Variants in DRC8 observed in about 807,000 individuals in gnomAD.
DRC8 encodes the protein dynein regulatory complex subunit 8, also known as dynein regulatory complex protein 8.
the DRC8 span, among the ~76,000 whole-genome samples, chr1:244,975,079 T>C: frequency 0.58 from 88,466 of 151,722 alleles, 26,506 homozygotes; most frequent in East Asian, 0.75. Flanking sequence ...TACAGGTGCC[T>C]GCCACCACGC....
At chr1:245,098,162 C>T in the DRC8 span, among the ~76,000 whole-genome samples, 1 of 152,050 alleles carries the variant, frequency 6.6e-6, no homozygotes, top group African/African-American at 2.4e-5. Context: ...AAAAAGACAC[C>T]AAGAATGATC....
At chr1:245,038,295 C>T in the DRC8 span, among the ~76,000 whole-genome samples, 1,856 of 152,276 alleles carry the variant, frequency 0.012, 43 homozygotes, top group African/African-American at 0.043. Context: ...ATGGTGAAAC[C>T]TTGTCTCTAC....
chr1:245,048,552 T>A, the DRC8 span, among the ~76,000 whole-genome samples: 1 of 152,082 alleles, frequency 6.6e-6, no homozygotes, highest in South Asian at 2.1e-4. Flanking sequence ...TTAAAAAATT[T>A]CAAACTTCTA....
chr1:245,015,965 CTTT>C, the DRC8 span, among the ~76,000 whole-genome samples: 3 of 57,190 alleles, frequency 5.2e-5, no homozygotes, highest in South Asian at 8.5e-4. Context: ...GCCTACAGGG[CTTT>C]TTTTTTTTTT....
At chr1:245,114,799 C>T in the DRC8 span, among the ~76,000 whole-genome samples, 51 of 152,284 alleles carry the variant, frequency 3.3e-4, 1 homozygote, top group Middle Eastern at 0.02. Flanking sequence ...GATCTTGGCT[C>T]GGTGCAACCT....
chr1:244,987,267 C>T, the DRC8 span, among the ~76,000 whole-genome samples: 2 of 150,442 alleles, frequency 1.3e-5, no homozygotes, highest in Admixed American at 6.7e-5. Context: ...ATGGCGCGTT[C>T]TCAGCTCACT....
the DRC8 span, among the ~76,000 whole-genome samples, chr1:245,101,278 T>C: frequency 6.6e-6 from 1 of 152,230 alleles, no homozygotes; most frequent in Non-Finnish European, 1.5e-5. Flanking sequence ...GGAACCAACT[T>C]GTTTGTCCTG....
At chr1:245,092,399 A>G in the DRC8 span, among the ~76,000 whole-genome samples, 7 of 152,122 alleles carry the variant, frequency 4.6e-5, no homozygotes, top group Non-Finnish European at 8.8e-5. Context: ...AAATCCTTCC[A>G]TGTAAGAAAG....
chr1:245,046,288 T>G, the DRC8 span, among the ~76,000 whole-genome samples: 2 of 152,220 alleles, frequency 1.3e-5, no homozygotes, highest in Non-Finnish European at 2.9e-5. Flanking sequence ...CTTATTTCAG[T>G]GTTTTTACAT....
the DRC8 span, among the ~76,000 whole-genome samples, chr1:245,100,270 A>C: frequency 1.3e-5 from 2 of 152,142 alleles, no homozygotes; most frequent in African/African-American, 4.8e-5. Context: ...CTGTGGTCCC[A>C]GCTACTCGGG....
chr1:245,087,472 A>C, the DRC8 span: 1 of 1,419,190 alleles, frequency 7.0e-7, no homozygotes, highest in Non-Finnish European at 9.1e-7. Flanking sequence ...ACCTTGTGAC[A>C]TAACTATTTT....
the DRC8 span, chr1:244,970,385 TAGGCATCTCCC>T: frequency 2.0e-6 from 3 of 1,535,564 alleles, no homozygotes; most frequent in Non-Finnish European, 2.6e-6. Flanking sequence ...AGGTTATCGT[TAGGCATCTCCC>T]AGGCGACCGG....
the DRC8 span, among the ~76,000 whole-genome samples, chr1:245,005,356 ATT>A: frequency 7.0e-6 from 1 of 143,722 alleles, no homozygotes. Flanking sequence ...ATTGGTATTA[ATT>A]TTTTTTTTTT....
chr1:245,090,408 G>A, the DRC8 span, among the ~76,000 whole-genome samples: 7 of 152,208 alleles, frequency 4.6e-5, no homozygotes, highest in African/African-American at 1.7e-4. Flanking sequence ...TTCTTCTCCT[G>A]TGTTATTATG....
chr1:245,083,763 A>AT, the DRC8 span: 2 of 1,516,504 alleles, frequency 1.3e-6, no homozygotes, highest in Non-Finnish European at 1.8e-6. Context: ...TGCGAAAGTT[A>AT]TAGGGGATAC....
At chr1:244,989,235 G>A in the DRC8 span, among the ~76,000 whole-genome samples, 1 of 152,074 alleles carries the variant, frequency 6.6e-6, no homozygotes, top group Non-Finnish European at 1.5e-5. Context: ...GGCCAATAAA[G>A]TAATTTTAAA....
the DRC8 span, among the ~76,000 whole-genome samples, chr1:245,083,141 G>A: frequency 6.6e-6 from 1 of 152,180 alleles, no homozygotes; most frequent in Non-Finnish European, 1.5e-5. Flanking sequence ...GAGCATTACT[G>A]CCCGAACTCC....
chr1:245,023,178 A>G, the DRC8 span: 1 of 152,184 alleles, frequency 6.6e-6, no homozygotes, highest in Non-Finnish European at 1.5e-5. Flanking sequence ...TAATGTTCTC[A>G]GGGTTCATCC....
the DRC8 span, among the ~76,000 whole-genome samples, chr1:244,980,909 G>A: frequency 6.6e-6 from 1 of 152,302 alleles, no homozygotes; most frequent in Non-Finnish European, 1.5e-5. Flanking sequence ...GAGGCCGGGC[G>A]TGGTGGTTCA....
Sources: allele counts gnomAD v4.1 joint callset (sites outside exome capture counted in the v4.1 genomes callset), GRCh38; gene constraint gnomAD v4.1.1; transcripts MANE v1.5; gene names NCBI Gene and HGNC (gene_info 2026-07-23, HGNC 2026-07-21).